ASTN1: variants seen among roughly 807,000 people sequenced by gnomAD.
ASTN1 encodes the protein astrotactin-1.
In ASTN1, 41 loss-of-function variants were observed where a neutral mutation model predicts 140.7. That is an observed-to-expected ratio of 0.29 (90% CI 0.23 to 0.38). ASTN1 has a LOEUF of 0.38. Ranked by LOEUF, ASTN1 falls within the 10% of genes least tolerant of loss-of-function variation. The pLI is 1.00. For synonymous variants in ASTN1, 640 were observed against 652.2 expected (o/e 0.98, Z 0.29); for missense variants, 1,479 against 1,678.8 (o/e 0.88, Z 2.08).
chr1:177,146,844 T>A lies in ASTN1; in HGVS notation c.283+17550A>T, dbSNP rs116722645. Among the ~76,000 whole-genome samples, 879 of 152,314 alleles carry A rather than the reference T, an allele frequency of 5.8e-3. 9 individuals are homozygous for A. The highest frequency in any genetic ancestry group is 0.02 in the African/African-American group (843 of 41,572). On this transcript the variant is annotated intron_variant, in intron 1 of 22. Coordinates refer to ENST00000361833, the MANE Select transcript of ASTN1 (RefSeq NM_004319.3). ...CAGTTGTTCTTTCAAGTAAAAATTG[T>A]GTTACAAGACAAAAGTCAATAGTTC...
chr1:176,938,835 T>A (rs187205896), intron 14 of ASTN1, among the ~76,000 whole-genome samples: 1 of 152,274 alleles, frequency 6.6e-6, no homozygotes, highest in Non-Finnish European at 1.5e-5. Context: ...TTGAGAAAGC[T>A]GGGCGTGGTG....
At chr1:176,973,291 G>A (rs372705623) in intron 8 of ASTN1, among the ~76,000 whole-genome samples, 7 of 152,034 alleles carry the variant, frequency 4.6e-5, no homozygotes, top group Admixed American at 1.3e-4. Context: ...CTGTTTTCCC[G>A]ACCTTCACCC....
intron 8 of ASTN1, among the ~76,000 whole-genome samples, chr1:177,001,179 T>A (rs146796941): frequency 1.3e-5 from 2 of 152,352 alleles, no homozygotes; most frequent in Admixed American, 6.5e-5. Flanking sequence ...CAAGTACTTC[T>A]GGAACATCCA....
intron 7 of ASTN1, among the ~76,000 whole-genome samples, chr1:177,015,135 T>TA (rs1357622685): frequency 6.6e-6 from 1 of 152,184 alleles, no homozygotes; most frequent in Non-Finnish European, 1.5e-5. Context: ...ATCTATTATA[T>TA]ATGTTCTGTA....
intron 2 of ASTN1, among the ~76,000 whole-genome samples, chr1:177,059,735 C>A (rs185402754): frequency 1.4e-3 from 217 of 152,254 alleles, no homozygotes; most frequent in African/African-American, 5.1e-3. Flanking sequence ...AATAGGCATT[C>A]TTCTATGTCT....
intron 1 of ASTN1, among the ~76,000 whole-genome samples, chr1:177,074,455 C>T (rs11587524): frequency 0.015 from 2,240 of 152,126 alleles, 32 homozygotes; most frequent in South Asian, 0.045. Context: ...TCCTTGATCA[C>T]TATGTATGGC....
intron 8 of ASTN1, among the ~76,000 whole-genome samples, chr1:176,970,581 A>T (rs188127861): frequency 6.6e-6 from 1 of 152,010 alleles, no homozygotes; most frequent in Non-Finnish European, 1.5e-5. Flanking sequence ...GTAGGTAGGT[A>T]GGTAGGTAGA....
intron 1 of ASTN1, among the ~76,000 whole-genome samples, chr1:177,126,355 T>C (rs939239106): frequency 2.6e-5 from 4 of 152,182 alleles, no homozygotes; most frequent in African/African-American, 9.7e-5. Context: ...CTCCTTCCCT[T>C]GGCTAGAGAC....
At chr1:177,153,091 T>C (rs1683107407) in intron 1 of ASTN1, among the ~76,000 whole-genome samples, 1 of 152,152 alleles carries the variant, frequency 6.6e-6, no homozygotes, top group Admixed American at 6.6e-5. Context: ...TCCCCAATGT[T>C]GGAGGTGAGG....
chr1:177,139,171 TA>T (rs111811132), intron 1 of ASTN1, among the ~76,000 whole-genome samples: 9 of 151,948 alleles, frequency 5.9e-5, no homozygotes, highest in Non-Finnish European at 8.8e-5. Context: ...ACAAGGGTGC[TA>T]AAAAAAAGAT....
rs1673168279 is a variant in ASTN1 at position 176,972,230 on chromosome 1, T to C, written c.1524-6993A>G. Reference sequence around the variant, plus strand: ...AAAATGTCATTATGTGGTACATGACTGTACTTACATCTGTAAAATGCAGAT... The same window carrying C: ...AAAATGTCATTATGTGGTACATGACCGTACTTACATCTGTAAAATGCAGAT... On this transcript the variant is annotated intron_variant, in intron 8 of 22. Coordinates refer to ENST00000361833, the MANE Select transcript of ASTN1 (RefSeq NM_004319.3). Among the ~76,000 whole-genome samples, 3 of 152,198 alleles carry C rather than the reference T, an allele frequency of 2.0e-5. No individual in the cohort carries two copies. The South Asian group carries it at 6.2e-4, about 31-fold the overall frequency.
Position 176,862,519 on chromosome 1 carries a change from G to C in ASTN1, c.*1765C>G. On this transcript the variant is annotated 3_prime_UTR_variant, in exon 23 of 23. Transcript: ENST00000361833. ...GCTCTCTGGGCAGGTTCCCTGTGGG[G>C]CTGAGAGCTTGGACAGTTGTGTGCC... 2 of 985,436 alleles carry C rather than the reference G, an allele frequency of 2.0e-6. No individual in the cohort carries two copies. Among genetic ancestry groups the C allele is most frequent in the Non-Finnish European group, 2.4e-6 (2 of 829,960 alleles). 61.0% of individuals were successfully genotyped at this position (985,436 alleles called of 1,614,324 possible).
intron 2 of ASTN1, among the ~76,000 whole-genome samples, chr1:177,049,978 TAGG>T (rs1677455511): frequency 6.6e-6 from 1 of 152,116 alleles, no homozygotes; most frequent in African/African-American, 2.4e-5. Flanking sequence ...CCATGACACT[TAGG>T]AAATAAAAAG....
chr1:177,153,310 C>A (rs1164216717), intron 1 of ASTN1, among the ~76,000 whole-genome samples: 1 of 152,116 alleles, frequency 6.6e-6, no homozygotes, highest in Non-Finnish European at 1.5e-5. Context: ...TGTCTTCCAC[C>A]ATGAGTGGAA....
At chr1:177,037,793 A>T (rs1238024292) in intron 2 of ASTN1, among the ~76,000 whole-genome samples, 1 of 152,218 alleles carries the variant, frequency 6.6e-6, no homozygotes, top group African/African-American at 2.4e-5. Flanking sequence ...TTTGGGGTAT[A>T]TGAGAAACCC....
intron 1 of ASTN1, among the ~76,000 whole-genome samples, chr1:177,073,846 G>C (rs1388915025): frequency 1.3e-5 from 2 of 151,354 alleles, no homozygotes; most frequent in Non-Finnish European, 2.9e-5. Context: ...CTATCAAAGG[G>C]CTGTTAAAGT....
intron 1 of ASTN1, among the ~76,000 whole-genome samples, chr1:177,100,602 T>C (rs529741147): frequency 1.3e-5 from 2 of 152,080 alleles, no homozygotes; most frequent in Non-Finnish European, 2.9e-5. Context: ...GAGTTTAGGA[T>C]GAGACAAAAT....
chr1:177,096,446 C>T (rs1260988027), intron 1 of ASTN1, among the ~76,000 whole-genome samples: 1 of 152,050 alleles, frequency 6.6e-6, no homozygotes, highest in Non-Finnish European at 1.5e-5. Flanking sequence ...GAGTTGGGGT[C>T]TTTGGAAGAT....
intron 16 of ASTN1, among the ~76,000 whole-genome samples, chr1:176,931,127 GT>G (rs1396533570): frequency 1.3e-5 from 2 of 152,164 alleles, no homozygotes; most frequent in African/African-American, 4.8e-5. Context: ...GGACGGGGAG[GT>G]TGAAAATTTC....
Sources: allele counts gnomAD v4.1 joint callset (sites outside exome capture counted in the v4.1 genomes callset), GRCh38; gene constraint gnomAD v4.1.1; transcripts MANE v1.5; gene names NCBI Gene and HGNC (gene_info 2026-07-23, HGNC 2026-07-21).